Variants in LRCH3 observed in about 807,000 individuals in gnomAD.
LRCH3 encodes the protein leucine rich repeats and calponin homology domain containing 3, also known as DISP complex protein LRCH3.
In LRCH3, 68 loss-of-function variants were observed where a neutral mutation model predicts 104.5. The observed-to-expected ratio is 0.65, with a 90% CI of 0.54 to 0.80. The LOEUF (loss-of-function observed/expected upper bound fraction) is 0.80, where lower values mean the gene tolerates loss of function less well. Among genes scored for constraint, LRCH3 ranks in the 30% least tolerant of loss-of-function variants. The pLI is 0.00. For missense variants in LRCH3, 951 were observed against 953.9 expected (o/e 1.00, Z 0.04); for synonymous variants, 344 against 361.3 (o/e 0.95, Z 0.54).
rs1733618906 is a variant in LRCH3 at position 197,814,797 on chromosome 3, T to C, written c.263-111T>C. ...AAGCAGATATGCCTTAGAAGCTGTT[T>C]TACTTTTAAAGAATAATAGTTTTAT... On this transcript the variant is annotated intron_variant, in intron 1 of 20. Transcript: ENST00000425562. 9.2e-5 allele frequency: 82 copies of C among 891,442 alleles called. No individual in the cohort carries two copies. In the South Asian group the frequency reaches 1.2e-3, roughly 13 times the overall value. 55.2% of individuals were successfully genotyped at this position (891,442 alleles called of 1,614,324 possible).
chr3:197,870,266 C>A lies in LRCH3; in HGVS notation c.1980C>A (p.Asp660Glu). Residue 660 changes from aspartate (D) to glutamate (E), a missense_variant, in exon 18 of 21, where the codon GAC becomes GAA. Physicochemically the swap from Asp to Glu is conservative, Grantham distance 45. Transcript: ENST00000425562. ...RQREEELELI[D>E]QLRKHIEYRL... Reference sequence around the variant, plus strand: ...GAGAAGAAGAGCTGGAATTAATAGACCAACTGCGTAAAGTATGTACATTAC... The same window carrying A: ...GAGAAGAAGAGCTGGAATTAATAGAACAACTGCGTAAAGTATGTACATTAC... 6.2e-7 allele frequency: 1 copy of A among 1,612,848 alleles called. No homozygotes were observed.
intron 1 of LRCH3, among the ~76,000 whole-genome samples, chr3:197,800,560 C>G (rs915219518): frequency 6.6e-6 from 1 of 152,106 alleles, no homozygotes; most frequent in Non-Finnish European, 1.5e-5. Context: ...GCTGTGGGAG[C>G]TTGTGGGAGT....
At chr3:197,858,765 T>G in intron 14 of LRCH3, 69 bp from the exon 15 acceptor site, 1 of 1,257,328 alleles carries the variant, frequency 8.0e-7, no homozygotes. Flanking sequence ...ACTAGTCAGA[T>G]CTGCCTGCCT....
chr3:197,883,337 T>C lies in LRCH3; in HGVS notation c.2209-204T>C, dbSNP rs1036579810. Reference sequence around the variant, plus strand: ...TTTTGAAAATGATCTGTATGTACTTTTAGTTGTATTAATAAAGTGACAGTG... The same window carrying C: ...TTTTGAAAATGATCTGTATGTACTTCTAGTTGTATTAATAAAGTGACAGTG... On this transcript the variant is annotated intron_variant, in intron 20 of 20. Coordinates refer to ENST00000425562, the MANE Select transcript of LRCH3 (RefSeq NM_001365715.1). This position sits in a 1 kb window ranked among gnomAD's most constrained non-coding sequence, Gnocchi z 4.2. The C allele has an allele frequency of 8.0e-6, 11 of 1,371,134 alleles. No homozygotes were observed. Among genetic ancestry groups the C allele is most frequent in the African/African-American group, 1.5e-5 (1 of 68,206 alleles). 84.9% of individuals were successfully genotyped at this position (1,371,134 alleles called of 1,614,324 possible).
Position 197,883,301 on chromosome 3 carries a change from C to G in LRCH3, c.2209-240C>G, listed in dbSNP as rs908752493. 5 of 1,288,780 alleles carry G rather than the reference C, an allele frequency of 3.9e-6. No individual in the cohort carries two copies. In the South Asian group the frequency reaches 9.2e-5, roughly 24 times the overall value. 79.8% of individuals were successfully genotyped at this position (1,288,780 alleles called of 1,614,324 possible). On this transcript the variant is annotated intron_variant, in intron 20 of 20. Coordinates refer to ENST00000425562, the MANE Select transcript of LRCH3 (RefSeq NM_001365715.1). The surrounding 1 kb of genome is among the most constrained non-coding windows in gnomAD (Gnocchi z 4.2). Reference sequence around the variant, plus strand: ...GTATGTATAGATATATGCTACTTGTCAATTTTCCAATTTTGAAAATGATCT... The same window carrying G: ...GTATGTATAGATATATGCTACTTGTGAATTTTCCAATTTTGAAAATGATCT...
intron 1 of LRCH3, among the ~76,000 whole-genome samples, chr3:197,811,241 TTTATA>T (rs1733090550): frequency 6.6e-6 from 1 of 152,168 alleles, no homozygotes; most frequent in South Asian, 2.1e-4. Context: ...AATTATTACT[TTTATA>T]TAATTCTTTA....
At chr3:197,839,025 T>C (rs372861377) in intron 9 of LRCH3, among the ~76,000 whole-genome samples, 1 of 152,340 alleles carries the variant, frequency 6.6e-6, no homozygotes, top group African/African-American at 2.4e-5. Context: ...AATTCTAACA[T>C]CTTATTATTC....
intron 12 of LRCH3, among the ~76,000 whole-genome samples, chr3:197,851,226 G>T (rs899495632): frequency 6.6e-6 from 1 of 152,144 alleles, no homozygotes; most frequent in African/African-American, 2.4e-5. Context: ...TTTGCCTTCC[G>T]TAGAAGTCAC....
chr3:197,880,230 C>T (rs930093832), intron 20 of LRCH3, among the ~76,000 whole-genome samples: 19 of 152,110 alleles, frequency 1.2e-4, no homozygotes, highest in South Asian at 8.3e-4. Context: ...CAGGTGTGAG[C>T]CACCGCGCCC....
At chr3:197,793,371 C>G (rs1388116799) in intron 1 of LRCH3, among the ~76,000 whole-genome samples, 1 of 152,168 alleles carries the variant, frequency 6.6e-6, no homozygotes, top group Admixed American at 6.5e-5. Context: ...CAGCCACTTT[C>G]CTTTTGTGTG....
At chr3:197,841,338 C>A (rs1437615851) in intron 10 of LRCH3, among the ~76,000 whole-genome samples, 5 of 152,234 alleles carry the variant, frequency 3.3e-5, no homozygotes, top group Non-Finnish European at 7.3e-5. Flanking sequence ...AGCCCACTCA[C>A]ATTCCTTCTT....
chr3:197,830,295 T>C (rs1477668823), intron 6 of LRCH3, among the ~76,000 whole-genome samples: 2 of 152,198 alleles, frequency 1.3e-5, no homozygotes, highest in Admixed American at 1.3e-4. Context: ...TTGCCCAGCC[T>C]GGTCTCAAAC....
At chr3:197,804,454 TA>T (rs201536650) in intron 1 of LRCH3, among the ~76,000 whole-genome samples, 2,263 of 152,052 alleles carry the variant, frequency 0.015, 31 homozygotes, top group Non-Finnish European at 0.026. Flanking sequence ...TACTGGAAAA[TA>T]AAAAAACCTT....
chr3:197,813,885 A>G (rs1733515707), intron 1 of LRCH3, among the ~76,000 whole-genome samples: 1 of 152,104 alleles, frequency 6.6e-6, no homozygotes, highest in South Asian at 2.1e-4. Flanking sequence ...TTGATGTTCA[A>G]TTCTAGATCC....
chr3:197,795,565 G>C (rs962086360), intron 1 of LRCH3, among the ~76,000 whole-genome samples: 4 of 151,934 alleles, frequency 2.6e-5, no homozygotes, highest in African/African-American at 7.2e-5. Flanking sequence ...TGGAAGTTCT[G>C]ATGGCAGTGT....
chr3:197,858,949 G>A (rs1390981531), intron 15 of LRCH3, 44 bp downstream of exon 15: 1 of 1,474,358 alleles, frequency 6.8e-7, no homozygotes, highest in South Asian at 1.1e-5. Context: ...TGGGGAGGAG[G>A]TGGATATAAG....
intron 10 of LRCH3, among the ~76,000 whole-genome samples, chr3:197,843,509 C>G (rs1050404312): frequency 6.6e-6 from 1 of 152,116 alleles, no homozygotes; most frequent in African/African-American, 2.4e-5. Context: ...ATGGCAAAAC[C>G]CTGTCTCTAC....
chr3:197,862,326 ATTC>A (rs1239581565), intron 15 of LRCH3, among the ~76,000 whole-genome samples: 1 of 152,218 alleles, frequency 6.6e-6, no homozygotes, highest in African/African-American at 2.4e-5. Flanking sequence ...AGGAGAGAAC[ATTC>A]GCTGCCCTTC....
rs1740244743 is a variant in LRCH3 at position 197,856,327 on chromosome 3, G to A, written c.1644+1882G>A. On this transcript the variant is annotated intron_variant, in intron 14 of 20. Coordinates refer to ENST00000425562, the MANE Select transcript of LRCH3 (RefSeq NM_001365715.1). The surrounding 1 kb of genome is among the most constrained non-coding windows in gnomAD (Gnocchi z 4.2). ...GAAGTATACATAGTGTATTACTGTT[G>A]TCACGGTAATTTTTTTATCATGGTA... 6.6e-6 allele frequency among the ~76,000 whole-genome samples: 1 copy of A among 151,952 alleles called. No homozygotes were observed. The highest frequency in any genetic ancestry group is 1.5e-5 in the Non-Finnish European group (1 of 67,948).
Sources: gnomAD v4.1 joint callset for allele counts (sites outside exome capture counted in the v4.1 genomes callset) on GRCh38, gnomAD v4.1.1 for gene constraint, Gnocchi (gnomAD v3.1) non-coding constraint, MANE v1.5 for transcripts, NCBI Gene and HGNC (gene_info 2026-07-23, HGNC 2026-07-21) for gene names.